STRBP: variants seen among roughly 807,000 people sequenced by gnomAD.
The protein encoded by STRBP is spermatid perinuclear RNA-binding protein.
STRBP carries 13 observed loss-of-function variants against 80.1 expected under a neutral mutation model. That is an observed-to-expected ratio of 0.16 (90% CI 0.11 to 0.26). The LOEUF (loss-of-function observed/expected upper bound fraction) is 0.26, where lower values mean the gene tolerates loss of function less well. STRBP is among the 10% of genes least tolerant of loss of function. STRBP has a pLI of 1.00. For missense variants in STRBP, 485 were observed against 815.2 expected (o/e 0.59, Z 4.93); for synonymous variants, 284 against 291.2 (o/e 0.98, Z 0.25).
intron 1 of STRBP, among the ~76,000 whole-genome samples, chr9:123,238,089 C>T (rs2040608589): frequency 6.6e-6 from 1 of 152,172 alleles, no homozygotes; most frequent in African/African-American, 2.4e-5. Flanking sequence ...AAGAAAACTC[C>T]ACAGTTTAAA....
chr9:123,245,253 A>G (rs1278612390), intron 1 of STRBP, among the ~76,000 whole-genome samples: 1 of 152,230 alleles, frequency 6.6e-6, no homozygotes, highest in Non-Finnish European at 1.5e-5. Flanking sequence ...CAAATTTCCC[A>G]GAGCGGGAGT....
chr9:123,267,474 C>T (rs1197128498), intron 1 of STRBP, among the ~76,000 whole-genome samples: 2 of 151,784 alleles, frequency 1.3e-5, no homozygotes, highest in Admixed American at 1.3e-4. Flanking sequence ...CAGATACCTG[C>T]CTTTTTATCC....
At chr9:123,203,360 A>G (rs1290550217) in intron 2 of STRBP, among the ~76,000 whole-genome samples, 2 of 152,042 alleles carry the variant, frequency 1.3e-5, no homozygotes, top group African/African-American at 4.8e-5. Context: ...AAAGAAAAAA[A>G]AAAAAGAATC....
At chr9:123,263,340 G>C (rs1254236723) in intron 1 of STRBP, among the ~76,000 whole-genome samples, 2 of 151,978 alleles carry the variant, frequency 1.3e-5, no homozygotes, top group Non-Finnish European at 2.9e-5. Context: ...AACACAGCAA[G>C]ACCTTGAGAC....
intron 2 of STRBP, among the ~76,000 whole-genome samples, chr9:123,208,977 C>G (rs534470557): frequency 6.6e-6 from 1 of 152,174 alleles, no homozygotes; most frequent in Non-Finnish European, 1.5e-5. Flanking sequence ...GGTTAGGTGA[C>G]ATGCTCTGCT....
chr9:123,156,679 A>C (rs1175845254), intron 11 of STRBP, among the ~76,000 whole-genome samples: 1 of 129,036 alleles, frequency 7.7e-6, no homozygotes, highest in Non-Finnish European at 1.6e-5. Flanking sequence ...GAAAAAGGCC[A>C]AAAAAAAAAA....
At chr9:123,205,079 A>T (rs2039468310) in intron 2 of STRBP, among the ~76,000 whole-genome samples, 2 of 152,190 alleles carry the variant, frequency 1.3e-5, no homozygotes, top group Non-Finnish European at 2.9e-5. Context: ...CAGCCTGGCC[A>T]ACATGGCAAA....
Position 123,122,187 on chromosome 9 carries a change from G to T in STRBP, c.*3410C>A. On this transcript the variant is annotated 3_prime_UTR_variant, in exon 19 of 19. Coordinates refer to ENST00000348403, the MANE Select transcript of STRBP (RefSeq NM_018387.5). ...TTCTCTTTAATCAGAAAATAAAAGA[G>T]CTTACCTTTGTATACTGAGATCACA... The T allele has an allele frequency of 3.9e-6, 2 of 511,798 alleles. No homozygotes were observed. Among genetic ancestry groups the T allele is most frequent in the Non-Finnish European group, 6.0e-6 (2 of 334,488 alleles). 31.7% of individuals were successfully genotyped at this position (511,798 alleles called of 1,614,324 possible).
At chr9:123,259,140 G>A (rs149458816) in intron 1 of STRBP, among the ~76,000 whole-genome samples, 1 of 151,934 alleles carries the variant, frequency 6.6e-6, no homozygotes, top group East Asian at 1.9e-4. Context: ...CAAGTGATGA[G>A]AAGTGGTCAG....
intron 4 of STRBP, among the ~76,000 whole-genome samples, chr9:123,178,709 C>A (rs2038326821): frequency 6.6e-6 from 1 of 152,112 alleles, no homozygotes; most frequent in Admixed American, 6.6e-5. Flanking sequence ...GAGGCTGAAT[C>A]AACACAGGAA....
At chr9:123,262,571 G>A (rs560207283) in intron 1 of STRBP, among the ~76,000 whole-genome samples, 1 of 152,318 alleles carries the variant, frequency 6.6e-6, no homozygotes, top group Non-Finnish European at 1.5e-5. Flanking sequence ...ATGCAAGGCT[G>A]TGATTTTATT....
At chr9:123,140,412 T>C (rs2036540020) in intron 13 of STRBP, among the ~76,000 whole-genome samples, 1 of 152,128 alleles carries the variant, frequency 6.6e-6, no homozygotes, top group Non-Finnish European at 1.5e-5. Flanking sequence ...CTGGCCAACA[T>C]GGTAAGACCA....
rs556194289 is a variant in STRBP at position 123,137,428 on chromosome 9, G to A, written c.1498-913C>T. On this transcript the variant is annotated intron_variant, in intron 14 of 18. Coordinates refer to ENST00000348403, the MANE Select transcript of STRBP (RefSeq NM_018387.5). Reference sequence around the variant, plus strand: ...TTTTGTTTGTTGTTGTTGTTGTTTTGAGACAGAGTCTCGCTCTGTGGCCCA... The same window carrying A: ...TTTTGTTTGTTGTTGTTGTTGTTTTAAGACAGAGTCTCGCTCTGTGGCCCA... 1.4e-3 allele frequency among the ~76,000 whole-genome samples: 203 copies of A among 150,100 alleles called. 1 individual carries two copies. The Middle Eastern group carries it at 0.014, about 10-fold the overall frequency.
intron 1 of STRBP, among the ~76,000 whole-genome samples, chr9:123,254,279 G>A (rs1320518449): frequency 1.3e-5 from 2 of 152,070 alleles, no homozygotes; most frequent in East Asian, 3.9e-4. Flanking sequence ...GGCTAACACA[G>A]TAAAACCCCA....
At position 123,132,855 on chromosome 9, in the gene STRBP, G is replaced by A. The variant is rs1052211576; in HGVS notation, c.1887C>T (p.Tyr629=). ...AFVGATAAPG[Y]IAPGYGTPYG... ...CAGTTTGTACTATACCTGGAGCTAT[G>A]TAGCCAGGAGCAGCTGTCGCCCCAA... Residue 629 remains tyrosine (Y), a synonymous_variant, in exon 17 of 19, where the codon TAC becomes TAT. Coordinates refer to ENST00000348403, the MANE Select transcript of STRBP (RefSeq NM_018387.5). 6.2e-7 allele frequency: 1 copy of A among 1,614,078 alleles called. No homozygotes were observed. Among genetic ancestry groups the A allele is most frequent in the African/African-American group, 1.3e-5 (1 of 75,044 alleles).
At chr9:123,240,815 A>C (rs1433917541) in intron 1 of STRBP, among the ~76,000 whole-genome samples, 1 of 152,122 alleles carries the variant, frequency 6.6e-6, no homozygotes, top group South Asian at 2.1e-4. Context: ...TCACCACACT[A>C]TATCAACAAT....
At chr9:123,127,026 G>A (rs1166774474) in intron 18 of STRBP, among the ~76,000 whole-genome samples, 5 of 152,178 alleles carry the variant, frequency 3.3e-5, no homozygotes, top group Non-Finnish European at 7.3e-5. Context: ...GACCACACCC[G>A]AGTGTGCCAG....
Position 123,184,188 on chromosome 9 carries a change from C to T in STRBP, c.-54G>A. ...TCCGATCCTTTCCCCTCTTTCTTGT[C>T]GTCTTCACTAGACACTGTTTTGTGT... On this transcript the variant is annotated 5_prime_UTR_variant, in exon 3 of 19. Transcript: ENST00000348403. The T allele has an allele frequency of 6.3e-7, 1 of 1,590,296 alleles. No homozygotes were observed. The highest frequency in any genetic ancestry group is 2.2e-5 in the East Asian group (1 of 44,676).
chr9:123,153,364 T>C (rs972893530), intron 11 of STRBP, among the ~76,000 whole-genome samples: 2 of 152,100 alleles, frequency 1.3e-5, no homozygotes, highest in African/African-American at 4.8e-5. Flanking sequence ...CTAATTTTTA[T>C]GTTTTCAGTA....
Sources: gnomAD v4.1 joint callset for allele counts (sites outside exome capture counted in the v4.1 genomes callset) on GRCh38, gnomAD v4.1.1 for gene constraint, MANE v1.5 for transcripts, NCBI Gene and HGNC (gene_info 2026-07-23, HGNC 2026-07-21) for gene names.